Variants in KALRN observed in about 807,000 individuals in gnomAD.
The protein encoded by KALRN is kalirin RhoGEF kinase, also known as kalirin.
KALRN carries 70 observed loss-of-function variants against 353.7 expected under a neutral mutation model. That is an observed-to-expected ratio of 0.20 (90% CI 0.16 to 0.24). The LOEUF is 0.24. Among genes scored for constraint, KALRN ranks in the 10% least tolerant of loss-of-function variants. The pLI is 1.00. For synonymous variants in KALRN, 1,391 were observed against 1,434.8 expected, an observed-to-expected ratio of 0.97 and a Z score of 0.69; for missense variants, 2,791 against 3,756.7, an observed-to-expected ratio of 0.74 and a Z score of 6.72.
chr3:124,522,903 T>G (rs1195913354), intron 33 of KALRN, among the ~76,000 whole-genome samples: 2 of 152,174 alleles, frequency 1.3e-5, no homozygotes, highest in Admixed American at 1.3e-4. Flanking sequence ...GGGGTAAGTT[T>G]CAGAAGCCAC....
chr3:124,492,651 A>G, intron 31 of KALRN, 89 bp from the exon 32 acceptor site: 1 of 1,330,216 alleles, frequency 7.5e-7, no homozygotes, highest in South Asian at 1.4e-5. Flanking sequence ...CTTGAAAATA[A>G]CAGATGAAGA....
chr3:124,523,776 C>G (rs1314380919), intron 33 of KALRN, among the ~76,000 whole-genome samples: 1 of 152,212 alleles, frequency 6.6e-6, no homozygotes, highest in Non-Finnish European at 1.5e-5. Flanking sequence ...CATGTCTGCA[C>G]TGTCTCCTCT....
chr3:124,295,081 G>A (rs1580630644), intron 5 of KALRN, among the ~76,000 whole-genome samples: 2 of 152,346 alleles, frequency 1.3e-5, no homozygotes, highest in Admixed American at 1.3e-4. Context: ...TCCACTGAAT[G>A]TAACAGAGAT....
chr3:124,416,064 A>G (rs555811059), intron 14 of KALRN, among the ~76,000 whole-genome samples: 2 of 152,298 alleles, frequency 1.3e-5, no homozygotes, highest in African/African-American at 4.8e-5. Flanking sequence ...GTAGCTGTCT[A>G]TGCAGCTACG....
chr3:124,183,106 G>T (rs1020587163), intron 1 of KALRN, among the ~76,000 whole-genome samples: 2 of 152,164 alleles, frequency 1.3e-5, no homozygotes, highest in Admixed American at 6.5e-5. Context: ...TGCCGTTAGA[G>T]TGGGCCCTAA....
intron 15 of KALRN, among the ~76,000 whole-genome samples, chr3:124,429,216 A>G (rs372945575): frequency 6.6e-6 from 1 of 152,216 alleles, no homozygotes; most frequent in East Asian, 1.9e-4. Flanking sequence ...TAGCTTGGCC[A>G]TGAATTAACA....
intron 15 of KALRN, among the ~76,000 whole-genome samples, chr3:124,423,488 A>G (rs1283105439): frequency 6.6e-6 from 1 of 152,228 alleles, no homozygotes; most frequent in South Asian, 2.1e-4. Context: ...AAAAGGAAAA[A>G]TAACTTATCT....
chr3:124,491,094 T>C (rs1187437051), intron 30 of KALRN, among the ~76,000 whole-genome samples: 1 of 152,162 alleles, frequency 6.6e-6, no homozygotes, highest in Non-Finnish European at 1.5e-5. Flanking sequence ...TGTTTGCTTT[T>C]AGCACCTCCC....
At chr3:124,145,169 G>A (rs956098747) in intron 1 of KALRN, among the ~76,000 whole-genome samples, 1 of 152,136 alleles carries the variant, frequency 6.6e-6, no homozygotes, top group African/African-American at 2.4e-5. Context: ...ACAGGGTTAA[G>A]GCCATGTTCG....
chr3:124,366,719 G>A (rs1443454184), intron 10 of KALRN, among the ~76,000 whole-genome samples: 1 of 152,094 alleles, frequency 6.6e-6, no homozygotes, highest in Non-Finnish European at 1.5e-5. Context: ...GAGCTGTTGG[G>A]CACACCTCCC....
Position 124,372,608 on chromosome 3 carries a change from ATTAT to A in KALRN, c.1771-12230_1771-12227del, listed in dbSNP as rs201446886. On this transcript the variant is annotated intron_variant, in intron 10 of 59. Transcript: ENST00000682506. ...TTAACATTACATTAAGAACTTTTTTATTATTTATTTTTTTATTTATTATTTATTT... is the reference window on the plus strand; with the variant it reads ...TTAACATTACATTAAGAACTTTTTTATTATTTTTTTATTTATTATTTATTT... 4.8e-3 allele frequency among the ~76,000 whole-genome samples: 464 copies of A among 95,924 alleles called. 3 individuals carry two copies. The highest frequency in any genetic ancestry group is 0.018 in the Middle Eastern group (4 of 222). 62.9% of individuals were successfully genotyped at this position (95,924 alleles called of 152,430 possible).
chr3:124,289,835 A>G (rs548408834), intron 5 of KALRN, among the ~76,000 whole-genome samples: 7 of 152,326 alleles, frequency 4.6e-5, no homozygotes, highest in African/African-American at 1.7e-4. Context: ...GACATACACT[A>G]TGAAGGCTCT....
At chr3:124,082,326 T>A (rs1278945527) in intron 1 of KALRN, 2 of 471,054 alleles carry the variant, frequency 4.2e-6, no homozygotes, top group South Asian at 3.1e-5. Flanking sequence ...TCCAACTTTT[T>A]CTTACTGTAA....
Position 124,642,802 on chromosome 3 carries a change from C to CTTTGTTTTTTTGTTGTT in KALRN, c.5664+5499_5664+5500insTTTGTTTTTTTGTTGTT, listed in dbSNP as rs1209328309. ...TGCTTCTGTGGAAGAGATTCCCAAGCCTCGTTTTTTTTTTTTTTTTTTTTG... is the reference window on the plus strand; with the variant it reads ...TGCTTCTGTGGAAGAGATTCCCAAGCTTTGTTTTTTTGTTGTTCTCGTTTTTTTTTTTTTTTTTTTTG... On this transcript the variant is annotated intron_variant, in intron 37 of 59. Coordinates refer to ENST00000682506, the MANE Select transcript of KALRN (RefSeq NM_001388419.1). Among the ~76,000 whole-genome samples, 28 of 60,038 alleles carry CTTTGTTTTTTTGTTGTT rather than the reference C, an allele frequency of 4.7e-4. 2 individuals carry two copies. The highest frequency in any genetic ancestry group is 2.7e-3 in the East Asian group (1 of 368). The allele number at this position is 60,038 out of a possible 152,430, so 39.4% of individuals were successfully genotyped here.
intron 1 of KALRN, among the ~76,000 whole-genome samples, chr3:124,102,030 C>G (rs564806765): frequency 6.6e-6 from 1 of 152,120 alleles, no homozygotes; most frequent in Non-Finnish European, 1.5e-5. Flanking sequence ...GTATGAAAAG[C>G]ACATTGGGTG....
chr3:124,075,279 T>G (rs904100396), intron 1 of KALRN, among the ~76,000 whole-genome samples: 6 of 152,206 alleles, frequency 3.9e-5, no homozygotes, highest in African/African-American at 1.4e-4. Flanking sequence ...CCCAGGTGGG[T>G]GCCATATGGT....
intron 38 of KALRN, among the ~76,000 whole-genome samples, chr3:124,655,378 T>C (rs144137744): frequency 9.2e-5 from 14 of 152,346 alleles, no homozygotes; most frequent in East Asian, 3.9e-4. Flanking sequence ...GTGTGACTAT[T>C]GTATGTCACC....
At chr3:124,608,516 T>C (rs554307996) in intron 34 of KALRN, among the ~76,000 whole-genome samples, 85 of 152,204 alleles carry the variant, frequency 5.6e-4, no homozygotes, top group African/African-American at 2.0e-3. Flanking sequence ...GCGGAGAACT[T>C]ACAGCATCCT....
At chr3:124,530,980 C>T (rs1223479736) in intron 33 of KALRN, among the ~76,000 whole-genome samples, 1 of 152,206 alleles carries the variant, frequency 6.6e-6, no homozygotes, top group Non-Finnish European at 1.5e-5. Context: ...CTTGTTAACA[C>T]TACATGTTTG....
Sources: gnomAD v4.1 joint callset for allele counts (sites outside exome capture counted in the v4.1 genomes callset) on GRCh38, gnomAD v4.1.1 for gene constraint, MANE v1.5 for transcripts, NCBI Gene and HGNC (gene_info 2026-07-23, HGNC 2026-07-21) for gene names.